The following NEO1 variants were observed in gnomAD, a reference collection of about 807,000 sequenced individuals.
NEO1 encodes neogenin.
NEO1 carries 63 observed loss-of-function variants against 159.7 expected under a neutral mutation model. That is an observed-to-expected ratio of 0.39 (90% CI 0.32 to 0.49). The LOEUF is 0.49. NEO1 is among the 20% of genes least tolerant of loss of function. The probability of loss-of-function intolerance (pLI) is 0.85; values close to 1 mark genes in which losing one functional copy is unlikely to be tolerated. For missense variants in NEO1, 1,615 were observed against 1,831.0 expected, an observed-to-expected ratio of 0.88 and a Z score of 2.15; for synonymous variants, 633 against 662.0, an observed-to-expected ratio of 0.96 and a Z score of 0.67.
intron 7 of NEO1, among the ~76,000 whole-genome samples, chr15:73,191,794 G>A (rs924283871): frequency 6.6e-6 from 1 of 152,006 alleles, no homozygotes; most frequent in African/African-American, 2.4e-5. Flanking sequence ...TGTAACACAT[G>A]TTCATTGTCA....
chr15:73,087,910 C>T (rs1037797622), intron 1 of NEO1, among the ~76,000 whole-genome samples: 7 of 151,948 alleles, frequency 4.6e-5, no homozygotes, highest in South Asian at 2.1e-4. Flanking sequence ...CATAATTTTA[C>T]ATAAACATTC....
chr15:73,161,912 G>A, intron 5 of NEO1: 1 of 196,030 alleles, frequency 5.1e-6, no homozygotes, highest in Non-Finnish European at 1.1e-5. Flanking sequence ...TTGCTGTTTT[G>A]CTTTAATGTC....
intron 6 of NEO1, among the ~76,000 whole-genome samples, chr15:73,177,935 A>G (rs2035376540): frequency 6.6e-6 from 1 of 152,198 alleles, no homozygotes; most frequent in African/African-American, 2.4e-5. Flanking sequence ...TGTTAGAACT[A>G]TTGATATTAT....
intron 24 of NEO1, 109 bp from the exon 25 acceptor site, chr15:73,289,037 A>G: frequency 2.6e-6 from 2 of 777,848 alleles, no homozygotes; most frequent in East Asian, 2.7e-5. Context: ...TCTTGTCCCC[A>G]TTATGCTGTT....
chr15:73,196,399 A>G (rs1428132991), intron 7 of NEO1, among the ~76,000 whole-genome samples: 1 of 152,170 alleles, frequency 6.6e-6, no homozygotes, highest in Non-Finnish European at 1.5e-5. Context: ...CACATATTTA[A>G]AACTCCCCAG....
In NEO1 at chr15:73,137,198, A is replaced by G. The variant is rs147419363; in HGVS notation, c.1015+1171A>G. On this transcript the variant is annotated intron_variant, in intron 5 of 28. Coordinates refer to ENST00000261908, the MANE Select transcript of NEO1 (RefSeq NM_002499.4). ...ACACCTGAATAATACAATTACTCTCAGATTGGCAACCAAGTGAATAATGTA... is the reference window on the plus strand; with the variant it reads ...ACACCTGAATAATACAATTACTCTCGGATTGGCAACCAAGTGAATAATGTA... 6.9e-3 allele frequency among the ~76,000 whole-genome samples: 1,058 copies of G among 152,330 alleles called. 14 individuals carry two copies. Among genetic ancestry groups the G allele is most frequent in the African/African-American group, 0.024 (1,015 of 41,558 alleles).
At chr15:73,112,613 G>C (rs563930967) in intron 1 of NEO1, among the ~76,000 whole-genome samples, 2 of 151,900 alleles carry the variant, frequency 1.3e-5, no homozygotes, top group African/African-American at 4.8e-5. Flanking sequence ...ATATTGAGTG[G>C]CATTGTAGTA....
intron 1 of NEO1, among the ~76,000 whole-genome samples, chr15:73,056,074 T>G (rs1051278640): frequency 3.3e-5 from 5 of 152,202 alleles, no homozygotes; most frequent in Admixed American, 2.0e-4. Flanking sequence ...ACTTAAAATC[T>G]GTTACTAGTG....
chr15:73,291,634 A>G (rs990558029), intron 25 of NEO1, among the ~76,000 whole-genome samples: 1 of 152,182 alleles, frequency 6.6e-6, no homozygotes, highest in Non-Finnish European at 1.5e-5. Flanking sequence ...ATGACTGAGC[A>G]GTGCCAGGAA....
In NEO1 at chr15:73,216,689, G is replaced by A. The variant is rs1427334673; in HGVS notation, c.1292-19658G>A. Among the ~76,000 whole-genome samples the A allele has an allele frequency of 1.1e-4, 16 of 152,150 alleles. No homozygotes were observed. The East Asian group carries it at 3.1e-3, about 29-fold the overall frequency. On this transcript the variant is annotated intron_variant, in intron 7 of 28. Coordinates refer to ENST00000261908, the MANE Select transcript of NEO1 (RefSeq NM_002499.4). The stretch of plus-strand genomic sequence containing the variant: ...TGCATTGCTCTGATGGCCAGTGATG[G>A]TGAGCATTTTTTCATGTGTTTTTTG...
intron 16 of NEO1, among the ~76,000 whole-genome samples, chr15:73,269,491 G>T (rs2041068715): frequency 6.6e-6 from 1 of 152,078 alleles, no homozygotes; most frequent in African/African-American, 2.4e-5. Flanking sequence ...CTCCCGAGTA[G>T]CTGGGACCCC....
At chr15:73,184,280 C>T (rs972305224) in intron 7 of NEO1, among the ~76,000 whole-genome samples, 3 of 152,112 alleles carry the variant, frequency 2.0e-5, no homozygotes, top group African/African-American at 4.8e-5. Flanking sequence ...CTCAGCCTCC[C>T]GAGTAGCTGG....
At chr15:73,283,203 G>A in intron 23 of NEO1, 92 bp downstream of exon 23, 1 of 1,383,906 alleles carries the variant, frequency 7.2e-7, no homozygotes, top group Non-Finnish European at 9.9e-7. Context: ...ACAAAGTTAA[G>A]ACATAAAAAT....
chr15:73,297,259 C>T (rs930116978), intron 26 of NEO1, among the ~76,000 whole-genome samples: 1 of 152,168 alleles, frequency 6.6e-6, no homozygotes, highest in African/African-American at 2.4e-5. Context: ...GATTCAGATT[C>T]CACCCTGCTA....
At chr15:73,063,335 A>C (rs2068062353) in intron 1 of NEO1, among the ~76,000 whole-genome samples, 6 of 152,112 alleles carry the variant, frequency 3.9e-5, no homozygotes, top group Admixed American at 3.3e-4. Context: ...ATGACTTAAT[A>C]TGTGTCCCTG....
intron 9 of NEO1, among the ~76,000 whole-genome samples, chr15:73,246,155 T>G (rs532941319): frequency 9.2e-5 from 14 of 152,262 alleles, no homozygotes; most frequent in Middle Eastern, 6.8e-3. Flanking sequence ...GTCAAATATT[T>G]ATTGAGTATC....
intron 8 of NEO1, among the ~76,000 whole-genome samples, chr15:73,238,633 A>G (rs1381549995): frequency 1.3e-5 from 2 of 151,968 alleles, no homozygotes; most frequent in Non-Finnish European, 1.5e-5. Context: ...AGAACAGGAA[A>G]GGGCTTTTAA....
Position 73,304,176 on chromosome 15 carries a change from G to A in NEO1, c.*1480G>A, listed in dbSNP as rs897712062. ...GAATGAAGCCACAGGAGTTGTCTGA[G>A]GTGAACCCAGCCGCTCAGCCACACA... On this transcript the variant is annotated 3_prime_UTR_variant, in exon 29 of 29. Transcript: ENST00000261908. 1 of 152,164 alleles carries A rather than the reference G, an allele frequency of 6.6e-6. No individual in the cohort carries two copies. Among genetic ancestry groups the A allele is most frequent in the African/African-American group, 2.4e-5 (1 of 41,416 alleles). 9.4% of individuals were successfully genotyped at this position (152,164 alleles called of 1,614,324 possible).
chr15:73,090,249 C>CAGT (rs2069611535), intron 1 of NEO1, among the ~76,000 whole-genome samples: 1 of 151,914 alleles, frequency 6.6e-6, no homozygotes, highest in African/African-American at 2.4e-5. Context: ...GGTTGGAGTG[C>CAGT]AGTAGCGCAA....
Sources: allele counts gnomAD v4.1 joint callset (sites outside exome capture counted in the v4.1 genomes callset), GRCh38; gene constraint gnomAD v4.1.1; transcripts MANE v1.5; gene names NCBI Gene and HGNC (gene_info 2026-07-23, HGNC 2026-07-21).